The following PCDHGA4 variants were observed in gnomAD, a reference collection of about 807,000 sequenced individuals.
The protein encoded by PCDHGA4 is protocadherin gamma-A4.
In PCDHGA4, 38 loss-of-function variants were observed where a neutral mutation model predicts 54.6. The ratio of observed to expected loss-of-function variants is 0.70; its 90% confidence interval spans 0.54 to 0.91. PCDHGA4 has a LOEUF of 0.91. Ranked by LOEUF, PCDHGA4 falls within the 40% of genes least tolerant of loss-of-function variation. PCDHGA4 has a pLI of 0.00. For synonymous variants in PCDHGA4, 511 were observed against 512.9 expected, an observed-to-expected ratio of 1.00 and a Z score of 0.05; for missense variants, 1,298 against 1,220.9, an observed-to-expected ratio of 1.06 and a Z score of -0.94.
intron 1 of PCDHGA4, chr5:141,410,627 TTC>T: frequency 6.2e-7 from 1 of 1,602,046 alleles, no homozygotes; most frequent in Admixed American, 1.7e-5. Flanking sequence ...TTCGGTGAGT[TTC>T]TCTTTTTTGT....
chr5:141,419,561 G>T, intron 1 of PCDHGA4: 1 of 1,611,846 alleles, frequency 6.2e-7, no homozygotes. Flanking sequence ...CCCTGCGCTG[G>T]GTCCCGACGG....
In PCDHGA4 at chr5:141,431,544, T is replaced by C. The variant is rs1409551731; in HGVS notation, c.2515-63263T>C. 1.2e-6 allele frequency: 2 copies of C among 1,614,152 alleles called. No individual in the cohort carries two copies. The highest frequency in any genetic ancestry group is 2.2e-5 in the South Asian group (2 of 91,092). ...AATCTGGCCTTGGGCACGCAGCTGC[T>C]TGTAGTCAACGCTACCGACCCTGAC... On this transcript the variant is annotated intron_variant, in intron 1 of 3. Coordinates refer to ENST00000571252, the MANE Select transcript of PCDHGA4 (RefSeq NM_018917.4). The surrounding 1 kb of genome is among the most constrained non-coding windows in gnomAD (Gnocchi z 4.8).
At chr5:141,421,979 G>C in intron 1 of PCDHGA4, 1 of 1,609,702 alleles carries the variant, frequency 6.2e-7, no homozygotes, top group Non-Finnish European at 8.5e-7. Flanking sequence ...TATCGCGTGA[G>C]TGTTCCAGAA....
At chr5:141,430,846 C>CCA in intron 1 of PCDHGA4, 1 of 1,576,346 alleles carries the variant, frequency 6.3e-7, no homozygotes, top group Non-Finnish European at 8.6e-7. Context: ...CCGGATGCAC[C>CCA]CAGATACGCT....
At chr5:141,360,723 A>C in intron 1 of PCDHGA4, 4 of 1,614,006 alleles carry the variant, frequency 2.5e-6, no homozygotes, top group Non-Finnish European at 3.4e-6. Context: ...AGTTGATTCT[A>C]AAACACTCTC....
At chr5:141,385,542 A>G in intron 1 of PCDHGA4, 1 of 1,327,542 alleles carries the variant, frequency 7.5e-7, no homozygotes. Context: ...GAATATGTGG[A>G]CTATCACATT....
chr5:141,372,494 A>C, intron 1 of PCDHGA4: 2 of 1,613,974 alleles, frequency 1.2e-6, no homozygotes, highest in Middle Eastern at 1.6e-4. Context: ...CCTTGATCTC[A>C]GTGCTCTTCC....
chr5:141,460,792 A>T (rs1028557260), intron 1 of PCDHGA4, among the ~76,000 whole-genome samples: 30 of 152,012 alleles, frequency 2.0e-4, no homozygotes, highest in Non-Finnish European at 2.9e-5. Context: ...ATATACACAC[A>T]AAGTATATAT....
chr5:141,422,314 C>G (rs1207977453), intron 1 of PCDHGA4: 2 of 1,547,838 alleles, frequency 1.3e-6, no homozygotes, highest in Non-Finnish European at 1.7e-6. Context: ...AAACTCTCCT[C>G]CAGGTACAGT....
intron 1 of PCDHGA4, chr5:141,375,310 T>C: frequency 6.2e-7 from 1 of 1,613,814 alleles, no homozygotes; most frequent in Non-Finnish European, 8.5e-7. Context: ...CAAATGCAGC[T>C]CTAGACCGGG....
chr5:141,361,139 T>C (rs1305491971), intron 1 of PCDHGA4: 10 of 1,613,760 alleles, frequency 6.2e-6, no homozygotes, highest in Admixed American at 1.7e-5. Flanking sequence ...AGTATCCAAG[T>C]TGAAATTCTT....
intron 1 of PCDHGA4, among the ~76,000 whole-genome samples, chr5:141,438,793 C>T (rs982191766): frequency 2.7e-5 from 4 of 149,544 alleles, no homozygotes; most frequent in African/African-American, 7.4e-5. Context: ...TCTCCAGTAG[C>T]TGGGATTACA....
At chr5:141,430,689 T>A in intron 1 of PCDHGA4, 1 of 1,408,998 alleles carries the variant, frequency 7.1e-7, no homozygotes, top group Non-Finnish European at 9.4e-7. Flanking sequence ...TCCCATTCTA[T>A]GGGCGAAGGA....
Position 141,357,053 on chromosome 5 carries a change from C to T in PCDHGA4, c.1946C>T (p.Ala649Val), listed in dbSNP as rs1561513386. ...LLKSSEPGLF[A>V]VGLHTGEVRT... Reference sequence around the variant, plus strand: ...AAGTCCAGCGAGCCGGGACTATTTGCAGTGGGGCTGCACACAGGCGAGGTG... The same window carrying T: ...AAGTCCAGCGAGCCGGGACTATTTGTAGTGGGGCTGCACACAGGCGAGGTG... Residue 649 changes from alanine (A) to valine (V), a missense_variant, in exon 1 of 4, where the codon GCA (alanine) becomes GTA (valine). Physicochemically the swap from Ala to Val is moderately conservative, Grantham distance 64. Transcript: ENST00000571252. 1 of 1,614,020 alleles carries T rather than the reference C, an allele frequency of 6.2e-7. No homozygotes were observed. The highest frequency in any genetic ancestry group is 8.5e-7 in the Non-Finnish European group (1 of 1,179,974).
intron 1 of PCDHGA4, among the ~76,000 whole-genome samples, chr5:141,460,709 A>G (rs2098995845): frequency 6.6e-6 from 1 of 151,794 alleles, no homozygotes; most frequent in Non-Finnish European, 1.5e-5. Flanking sequence ...ATGAGAATAA[A>G]CTATTGTTAT....
In PCDHGA4 at chr5:141,432,012, A is replaced by G. The variant is rs756906117; in HGVS notation, c.2515-62795A>G. ...TTGGATAGGGAACAGGTTCCTAGCT[A>G]CAACATCACAGTGACCGCCACTGAC... On this transcript the variant is annotated intron_variant, in intron 1 of 3. Transcript: ENST00000571252. The surrounding 1 kb of genome is among the most constrained non-coding windows in gnomAD (Gnocchi z 6.0). The G allele has an allele frequency of 1.1e-5, 18 of 1,614,056 alleles. No homozygotes were observed. The highest frequency in any genetic ancestry group is 1.3e-5 in the Non-Finnish European group (15 of 1,180,008).
Position 141,476,387 on chromosome 5 carries a change from C to G in PCDHGA4, c.2515-18420C>G, listed in dbSNP as rs147660262. Reference sequence around the variant, plus strand: ...GACCGGAGAGATGTTTGTGAACGACCGTCTGGATCGAGAGGAGCTGTGTGG... The same window carrying G: ...GACCGGAGAGATGTTTGTGAACGACGGTCTGGATCGAGAGGAGCTGTGTGG... On this transcript the variant is annotated intron_variant, in intron 1 of 3. Coordinates refer to ENST00000571252, the MANE Select transcript of PCDHGA4 (RefSeq NM_018917.4). The surrounding 1 kb of genome is among the most constrained non-coding windows in gnomAD (Gnocchi z 7.6). 3.6e-4 allele frequency: 587 copies of G among 1,614,076 alleles called. No individual in the cohort carries two copies. The highest frequency in any genetic ancestry group is 4.7e-4 in the Non-Finnish European group (549 of 1,180,024).
intron 1 of PCDHGA4, 158 bp downstream of exon 1, chr5:141,357,779 A>G (rs552540688): frequency 6.8e-6 from 6 of 880,964 alleles, no homozygotes; most frequent in South Asian, 3.7e-5. Flanking sequence ...ATAATGATCA[A>G]CAGTATTTAC....
chr5:141,478,073 G>A (rs756198123), intron 1 of PCDHGA4: 1 of 1,614,098 alleles, frequency 6.2e-7, no homozygotes, highest in Admixed American at 1.7e-5. Context: ...AGACAATGGG[G>A]AGCCTTCGCT....
Sources: gnomAD v4.1 joint callset for allele counts (sites outside exome capture counted in the v4.1 genomes callset) on GRCh38, gnomAD v4.1.1 for gene constraint, Gnocchi (gnomAD v3.1) non-coding constraint, MANE v1.5 for transcripts, NCBI Gene and HGNC (gene_info 2026-07-23, HGNC 2026-07-21) for gene names.